Variants in PLA2G2E observed in about 807,000 individuals in gnomAD.
PLA2G2E encodes the protein phospholipase A2 group IIE, also known as group IIE secretory phospholipase A2.
PLA2G2E carries 14 observed loss-of-function variants against 16.5 expected under a neutral mutation model. The ratio of observed to expected loss-of-function variants is 0.85; its 90% confidence interval spans 0.56 to 1.33. PLA2G2E has a LOEUF of 1.33. Ranked by LOEUF, PLA2G2E falls within the 40% of genes most tolerant of loss-of-function variation. The pLI is 0.00. For missense variants in PLA2G2E, 174 were observed against 190.7 expected (o/e 0.91, Z 0.52); for synonymous variants, 72 against 77.2 (o/e 0.93, Z 0.36).
intron 3 of PLA2G2E, among the ~76,000 whole-genome samples, chr1:19,921,224 A>G (rs997258587): frequency 2.6e-5 from 4 of 152,102 alleles, no homozygotes; most frequent in Non-Finnish European, 5.9e-5. Context: ...GGCTCTGCCC[A>G]CGCCCGCTAT....
At position 19,920,784 on chromosome 1, in the gene PLA2G2E, C is replaced by A. The variant is rs2045808128; in HGVS notation, c.287-335G>T. 6.6e-6 allele frequency among the ~76,000 whole-genome samples: 1 copy of A among 152,162 alleles called. No individual in the cohort carries two copies. Among genetic ancestry groups the A allele is most frequent in the Admixed American group, 6.5e-5 (1 of 15,282 alleles). On this transcript the variant is annotated intron_variant, in intron 3 of 3. Transcript: ENST00000375116. This position sits in a 1 kb window ranked among gnomAD's most constrained non-coding sequence, Gnocchi z 4.3. The stretch of plus-strand genomic sequence containing the variant: ...CAGGGGGATTTCTAGGCAACCCCTG[C>A]ACCCCTGTGTGATGCGTTGCTGATG...
intron 3 of PLA2G2E, among the ~76,000 whole-genome samples, chr1:19,921,465 T>C (rs1179702736): frequency 6.6e-6 from 1 of 152,086 alleles, no homozygotes; most frequent in Non-Finnish European, 1.5e-5. Flanking sequence ...CCCACCTGCC[T>C]CCTCCCCTCA....
chr1:19,920,430 C>A lies in PLA2G2E; in HGVS notation c.306G>T (p.Gln102His). The change falls in exon 4 of 4, where the codon CAG becomes CAT. Residue 102 changes from glutamine (Q) to histidine (H), a missense_variant. By Grantham distance (24) the Gln-to-His change is conservative (BLOSUM62 0). Coordinates refer to ENST00000375116, the MANE Select transcript of PLA2G2E (RefSeq NM_014589.3). This position sits in a 1 kb window ranked among gnomAD's most constrained non-coding sequence, Gnocchi z 4.3. ...TCTTGTCACACTCGCAGGTCAGCCG[C>A]TGGCAGGTGGTCCTGCCGGCTGGAT... Reference protein sequence around the residue: ...GIFCAGRTTCQRLTCECDKRA... With the variant: ...GIFCAGRTTCHRLTCECDKRA... 6.2e-7 allele frequency: 1 copy of A among 1,613,844 alleles called. No individual in the cohort carries two copies. The highest frequency in any genetic ancestry group is 8.5e-7 in the Non-Finnish European group (1 of 1,179,856).
At chr1:19,923,238 A>G (rs1438518161) in intron 1 of PLA2G2E, among the ~76,000 whole-genome samples, 5 of 152,308 alleles carry the variant, frequency 3.3e-5, no homozygotes, top group Middle Eastern at 3.4e-3. Flanking sequence ...GGAGCCAAAC[A>G]TGGAAGCTAG....
chr1:19,922,486 A>G, intron 2 of PLA2G2E, 82 bp from the exon 3 acceptor site: 1 of 1,542,766 alleles, frequency 6.5e-7, no homozygotes, highest in Non-Finnish European at 8.8e-7. Flanking sequence ...CCCGAGCCCA[A>G]AGCAGCCCAG....
intron 1 of PLA2G2E, among the ~76,000 whole-genome samples, chr1:19,923,099 A>T (rs2045830589): frequency 6.6e-6 from 1 of 151,292 alleles, no homozygotes; most frequent in African/African-American, 2.4e-5. Context: ...ACCCAGGAAC[A>T]CTCTGTCCCC....
At chr1:19,922,040 G>A (rs2100355632) in intron 3 of PLA2G2E, among the ~76,000 whole-genome samples, 1 of 152,366 alleles carries the variant, frequency 6.6e-6, no homozygotes, top group South Asian at 2.1e-4. Flanking sequence ...TCCAGAGGCT[G>A]GAGCTGGGAG....
In PLA2G2E at chr1:19,923,607, G is replaced by A; in HGVS notation, c.-48C>T. 1.3e-6 allele frequency: 2 copies of A among 1,517,166 alleles called. No individual in the cohort carries two copies. Among genetic ancestry groups the A allele is most frequent in the African/African-American group, 1.4e-5 (1 of 72,336 alleles). The allele number at this position is 1,517,166 out of a possible 1,614,324, so 94.0% of individuals were successfully genotyped here. On this transcript the variant is annotated 5_prime_UTR_variant, in exon 1 of 4. Coordinates refer to ENST00000375116, the MANE Select transcript of PLA2G2E (RefSeq NM_014589.3). ...TGCACAAGGAGCATAAAAGGCAGCA[G>A]AAGAAAGCAGCAGGGCCACCTCTGA... is the stretch of plus-strand genomic sequence containing the variant.
rs916293117 is a variant in PLA2G2E at position 19,920,074 on chromosome 1, T to C, written c.*233A>G. 9 of 472,818 alleles carry C rather than the reference T, an allele frequency of 1.9e-5. No homozygotes were observed. Among genetic ancestry groups the C allele is most frequent in the African/African-American group, 1.7e-4 (9 of 51,812 alleles). The allele number at this position is 472,818 out of a possible 1,614,324, so 29.3% of individuals were successfully genotyped here. A position where few individuals can be genotyped will look rare whatever the true frequency, so the allele number is the denominator to read the frequency against. On this transcript the variant is annotated 3_prime_UTR_variant, in exon 4 of 4. Coordinates refer to ENST00000375116, the MANE Select transcript of PLA2G2E (RefSeq NM_014589.3). The surrounding 1 kb of genome is among the most constrained non-coding windows in gnomAD (Gnocchi z 4.3). ...GAGATCCCAGAAGCTAGTGACAGTC[T>C]TCTGGGTGCTGAAGGGTCCATGGCT...
chr1:19,921,969 G>A (rs372531778), intron 3 of PLA2G2E, among the ~76,000 whole-genome samples: 2 of 152,232 alleles, frequency 1.3e-5, no homozygotes, highest in South Asian at 2.1e-4. Flanking sequence ...GAGGCCTTGG[G>A]AGGGTGCCTG....
rs753540548 is a variant in PLA2G2E at position 19,923,543 on chromosome 1, A to C, written c.17T>G (p.Val6Gly). 3.2e-6 allele frequency: 5 copies of C among 1,550,924 alleles called. No individual in the cohort carries two copies. The highest frequency in any genetic ancestry group is 3.5e-6 in the Non-Finnish European group (4 of 1,146,778). Residue 6 changes from valine to glycine, a missense_variant, in exon 1 of 4, where the codon GTG becomes GGG. Physicochemically the swap from Val to Gly is moderately radical, Grantham distance 109. Coordinates refer to ENST00000375116, the MANE Select transcript of PLA2G2E (RefSeq NM_014589.3). ...ACCCAGGAGGCAAAGGAACACCAGC[A>C]CGTGGGGAGATTTCATCCCAGGTTG... MKSPH[V>G]LVFLCLLVAL...
At chr1:19,921,853 A>G (rs1557688316) in intron 3 of PLA2G2E, among the ~76,000 whole-genome samples, 2 of 152,246 alleles carry the variant, frequency 1.3e-5, no homozygotes, top group Non-Finnish European at 2.9e-5. Flanking sequence ...AAATGGGTCC[A>G]GCCTGACAGT....
chr1:19,920,765 G>T lies in PLA2G2E; in HGVS notation c.287-316C>A, dbSNP rs903248276. 4.3e-4 allele frequency among the ~76,000 whole-genome samples: 65 copies of T among 152,126 alleles called. No homozygotes were observed. The highest frequency in any genetic ancestry group is 1.2e-3 in the Admixed American group (18 of 15,284). ...AACTCTCACTGCCCCCGACCAGGGG[G>T]ATTTCTAGGCAACCCCTGCACCCCT... On this transcript the variant is annotated intron_variant, in intron 3 of 3. Transcript: ENST00000375116. This position sits in a 1 kb window ranked among gnomAD's most constrained non-coding sequence, Gnocchi z 4.3.
Position 19,922,342 on chromosome 1 carries a change from A to G in PLA2G2E, c.242T>C (p.Leu81Pro), listed in dbSNP as rs533011527. Reference protein sequence around the residue: ...RLEKLGCEPKLEKYLFSVSER... With the variant: ...RLEKLGCEPKPEKYLFSVSER... ...GCTGACAGAGAAAAGATACTTTTCC[A>G]GTTTGGGCTCACAGCCCAGCTTCTC... Residue 81 changes from leucine (L) to proline (P), a missense_variant, in exon 3 of 4, where the codon CTG becomes CCG. Leu to Pro is a moderately conservative substitution (Grantham distance 98). Coordinates refer to ENST00000375116, the MANE Select transcript of PLA2G2E (RefSeq NM_014589.3). The G allele has an allele frequency of 6.2e-7, 1 of 1,614,074 alleles. No individual in the cohort carries two copies. Among genetic ancestry groups the G allele is most frequent in the African/African-American group, 1.3e-5 (1 of 75,040 alleles).
chr1:19,923,614 G>A lies in PLA2G2E; in HGVS notation c.-55C>T. On this transcript the variant is annotated 5_prime_UTR_variant, in exon 1 of 4. Transcript: ENST00000375116. The stretch of plus-strand genomic sequence containing the variant: ...GGAGCATAAAAGGCAGCAGAAGAAA[G>A]CAGCAGGGCCACCTCTGATCTCAGG... 1 of 1,473,184 alleles carries A rather than the reference G, an allele frequency of 6.8e-7. No homozygotes were observed. 91.3% of individuals were successfully genotyped at this position (1,473,184 alleles called of 1,614,324 possible).
rs2045806415 is a variant in PLA2G2E, at chr1:19,920,491, A to G, written c.287-42T>C. The G allele has an allele frequency of 3.1e-6, 5 of 1,603,560 alleles. No individual in the cohort carries two copies. In the East Asian group the frequency reaches 1.1e-4, roughly 36 times the overall value. On this transcript the variant is annotated intron_variant, in intron 3 of 3. Transcript: ENST00000375116. The surrounding 1 kb of genome is among the most constrained non-coding windows in gnomAD (Gnocchi z 4.3). Reference sequence around the variant, plus strand: ...GAGTCAGGGACCACAGAAGCTCAGGATATGTGTGGGACAGCTCTTGGCTGC... The same window carrying G: ...GAGTCAGGGACCACAGAAGCTCAGGGTATGTGTGGGACAGCTCTTGGCTGC...
Position 19,922,758 on chromosome 1 carries a change from G to T in PLA2G2E, c.41-3C>A, listed in dbSNP as rs755877167. 12 of 1,604,264 alleles carry T rather than the reference G, an allele frequency of 7.5e-6. No homozygotes were observed. In the South Asian group the frequency reaches 1.3e-4, roughly 18 times the overall value. The stretch of plus-strand genomic sequence containing the variant: ...CAGGTTCCCGGTGACCAGAGCCACT[G>T]CAGAGAGGGAGAGGGAGAGGGAGAG... On this transcript the variant is annotated splice_polypyrimidine_tract_variant and splice_region_variant and intron_variant, in intron 1 of 3. Coordinates refer to ENST00000375116, the MANE Select transcript of PLA2G2E (RefSeq NM_014589.3).
chr1:19,922,634 C>T lies in PLA2G2E; in HGVS notation c.162G>A (p.Pro54=), dbSNP rs12731919. The change falls in exon 2 of 4, where the codon CCG becomes CCA. Residue 54 remains proline, a synonymous_variant. Coordinates refer to ENST00000375116, the MANE Select transcript of PLA2G2E (RefSeq NM_014589.3). ...TTCCTCACCAGTCAGTCTGGTCCAC[C>T]GGCCAGTGGGAGCCACCGATGCCGC... ...CYCGIGGSHW[P]VDQTDWCCHA... 8.1e-6 allele frequency: 13 copies of T among 1,613,878 alleles called. No homozygotes were observed. The highest frequency in any genetic ancestry group is 4.4e-5 in the South Asian group (4 of 91,078).
At chr1:19,921,997 C>G (rs1571198732) in intron 3 of PLA2G2E, among the ~76,000 whole-genome samples, 1 of 152,212 alleles carries the variant, frequency 6.6e-6, no homozygotes, top group East Asian at 1.9e-4. Context: ...CTCCTCTGGG[C>G]CCTGGCTCAG....
Sources: allele counts gnomAD v4.1 joint callset (sites outside exome capture counted in the v4.1 genomes callset), GRCh38; gene constraint gnomAD v4.1.1; non-coding constraint Gnocchi (gnomAD v3.1); transcripts MANE v1.5; gene names NCBI Gene and HGNC (gene_info 2026-07-23, HGNC 2026-07-21).